PILRA: variants seen among roughly 807,000 people sequenced by gnomAD.
PILRA encodes paired immunoglobin like type 2 receptor alpha, also known as paired immunoglobulin-like type 2 receptor alpha.
Under a neutral mutation model 33.1 loss-of-function variants are expected in PILRA, and 37 were observed. The observed-to-expected ratio is 1.12, with a 90% CI of 0.86 to 1.47. PILRA has a LOEUF of 1.47. Ranked by LOEUF, PILRA falls within the 40% of genes most tolerant of loss-of-function variation. PILRA has a pLI of 0.00. For synonymous variants in PILRA, 146 were observed against 149.9 expected (o/e 0.97, Z 0.19); for missense variants, 312 against 376.2 (o/e 0.83, Z 1.41).
At chr7:100,373,320 G>A (rs1017279302), upstream of PILRA, 5 of 513,872 alleles carry the variant, frequency 9.7e-6, no homozygotes, top group Admixed American at 3.3e-5. Flanking sequence ...CAGGTGGGAG[G>A]GGCCCAGCCA....
rs1252427558 is a variant in PILRA, at chr7:100,399,791, G to A, written c.796G>A (p.Gly266Ser). Residue 266 changes from glycine (G) to serine (S), a missense_variant, in exon 7 of 7, where the codon GGC becomes AGC. By Grantham distance (56) the Gly-to-Ser change is moderately conservative. Coordinates refer to ENST00000198536, the MANE Select transcript of PILRA (RefSeq NM_013439.3). ...TDPKLNPKDD[G>S]IVYASLALSS... ...TCTCTGGGTTCTCGCCCAGGATGACGGCATCGTCTATGCTTCCCTTGCCCT... is the reference window on the plus strand; with the variant it reads ...TCTCTGGGTTCTCGCCCAGGATGACAGCATCGTCTATGCTTCCCTTGCCCT... 2.0e-5 allele frequency: 33 copies of A among 1,610,430 alleles called. No individual in the cohort carries two copies. The highest frequency in any genetic ancestry group is 1.7e-4 in the Middle Eastern group (1 of 6,040).
rs1563124406 is a variant in PILRA at position 100,399,807 on chromosome 7, C to T, written c.812C>T (p.Ser271Phe). 6.2e-7 allele frequency: 1 copy of T among 1,612,206 alleles called. No individual in the cohort carries two copies. Among genetic ancestry groups the T allele is most frequent in the South Asian group, 1.1e-5 (1 of 90,792 alleles). Residue 271 changes from serine to phenylalanine, a missense_variant, in exon 7 of 7, where the codon TCC (serine) becomes TTC (phenylalanine). Ser to Phe is a radical substitution (Grantham distance 155). Transcript: ENST00000198536. Reference sequence around the variant, plus strand: ...CAGGATGACGGCATCGTCTATGCTTCCCTTGCCCTCTCCAGCTCCACCTCA... The same window carrying T: ...CAGGATGACGGCATCGTCTATGCTTTCCTTGCCCTCTCCAGCTCCACCTCA... Reference protein sequence around the residue: ...NPKDDGIVYASLALSSSTSPR... With the variant: ...NPKDDGIVYAFLALSSSTSPR...
At chr7:100,371,576 G>A (rs1452305623), upstream of PILRA, among the ~76,000 whole-genome samples, 7 of 152,042 alleles carry the variant, frequency 4.6e-5, no homozygotes, top group South Asian at 1.4e-3. Flanking sequence ...CTCATAATGC[G>A]GTGCAGGGTA....
At chr7:100,390,138 C>T (rs753919929) in intron 3 of PILRA, 32 bp downstream of exon 3, 2 of 1,574,138 alleles carry the variant, frequency 1.3e-6, no homozygotes, top group East Asian at 2.2e-5. Flanking sequence ...TCTCCCCAAG[C>T]CTCCCATCTG....
intron 1 of PILRA, 135 bp from the exon 2 acceptor site, chr7:100,373,909 C>G (rs999269418): frequency 1.1e-4 from 137 of 1,304,592 alleles, no homozygotes; most frequent in Non-Finnish European, 1.0e-4. Context: ...AGTGGGAGAC[C>G]CAGGCCAGAG....
At position 100,393,074 on chromosome 7, in the gene PILRA, G is replaced by T. The variant is rs565967129; in HGVS notation, c.673+2968G>T. The stretch of plus-strand genomic sequence containing the variant: ...GTGGGCAAATCACTTGAGGTCAGGA[G>T]TTCAAGACCAGCCTGGTCAACATGG... On this transcript the variant is annotated intron_variant, in intron 3 of 6. Coordinates refer to ENST00000198536, the MANE Select transcript of PILRA (RefSeq NM_013439.3). Among the ~76,000 whole-genome samples the T allele has an allele frequency of 2.1e-4, 32 of 152,238 alleles. No individual in the cohort carries two copies. In the East Asian group the frequency reaches 6.0e-3, roughly 28 times the overall value.
rs1222825218 is a variant in PILRA at position 100,374,444 on chromosome 7, C to T, written c.454+11C>T. 2 of 1,613,718 alleles carry T rather than the reference C, an allele frequency of 1.2e-6. No homozygotes were observed. The highest frequency in any genetic ancestry group is 1.7e-6 in the Non-Finnish European group (2 of 1,179,956). On this transcript the variant is annotated intron_variant, in intron 2 of 6. Transcript: ENST00000198536. ...TCTCCATCACCCAGGGTGAGTCCAGCTGCCCTGGCACCCGCTTTGCCCACC... is the reference window on the plus strand; with the variant it reads ...TCTCCATCACCCAGGGTGAGTCCAGTTGCCCTGGCACCCGCTTTGCCCACC...
Position 100,374,138 on chromosome 7 carries a change from C to T in PILRA, c.159C>T (p.Phe53=). The T allele has an allele frequency of 6.2e-7, 1 of 1,614,160 alleles. No homozygotes were observed. The highest frequency in any genetic ancestry group is 1.1e-5 in the South Asian group (1 of 91,088). ...ASMGGSVEIP[F]SFYYPWELAT... is the part of the protein sequence containing the mutation. ...TGGGTGGCTCTGTGGAAATCCCCTT[C>T]TCCTTCTATTACCCCTGGGAGTTAG... The change falls in exon 2 of 7, where the codon TTC becomes TTT. Residue 53 remains phenylalanine, a synonymous_variant. Transcript: ENST00000198536.
intron 3 of PILRA, among the ~76,000 whole-genome samples, chr7:100,392,234 G>A (rs1321604429): frequency 6.6e-6 from 1 of 152,166 alleles, no homozygotes; most frequent in African/African-American, 2.4e-5. Flanking sequence ...GCTTGAGCTT[G>A]GGAGGCAGAG....
chr7:100,391,237 TACC>T (rs1791385478), intron 3 of PILRA, among the ~76,000 whole-genome samples: 6 of 147,574 alleles, frequency 4.1e-5, no homozygotes, highest in Non-Finnish European at 9.0e-5. Flanking sequence ...GTGCCTGTGG[TACC>T]AGCTACTGGG....
At chr7:100,396,773 G>A (rs1791501785) in intron 3 of PILRA, among the ~76,000 whole-genome samples, 1 of 152,060 alleles carries the variant, frequency 6.6e-6, no homozygotes, top group African/African-American at 2.4e-5. Flanking sequence ...TCCACTTTTC[G>A]GTGGTGCCTA....
intron 2 of PILRA, among the ~76,000 whole-genome samples, chr7:100,375,030 C>G (rs890530596): frequency 5.9e-5 from 9 of 152,174 alleles, no homozygotes; most frequent in Admixed American, 5.9e-4. Context: ...CAGCTCCTCC[C>G]TGACCTGTCT....
chr7:100,387,332 G>C (rs1584222227), intron 2 of PILRA, among the ~76,000 whole-genome samples: 1 of 152,172 alleles, frequency 6.6e-6, no homozygotes, highest in African/African-American at 2.4e-5. Flanking sequence ...TCCTGCCTCA[G>C]CCTCCCAAGT....
intron 2 of PILRA, among the ~76,000 whole-genome samples, chr7:100,383,910 T>C (rs943076829): frequency 4.6e-5 from 7 of 152,192 alleles, no homozygotes; most frequent in African/African-American, 1.7e-4. Flanking sequence ...GTGCTGGGAT[T>C]ACAGGCGTAA....
At chr7:100,392,467 C>T (rs1399002680) in intron 3 of PILRA, among the ~76,000 whole-genome samples, 2 of 152,146 alleles carry the variant, frequency 1.3e-5, no homozygotes, top group African/African-American at 4.8e-5. Flanking sequence ...ATAGTACCTA[C>T]GTGGGGTTGT....
chr7:100,374,703 G>A (rs772791439), intron 2 of PILRA: 108 of 533,006 alleles, frequency 2.0e-4, no homozygotes, highest in Non-Finnish European at 3.3e-4. Flanking sequence ...GCAGCTGCTG[G>A]ACCCTCTAAT....
At chr7:100,373,359 C>T, upstream of PILRA, 1 of 558,058 alleles carries the variant, frequency 1.8e-6, no homozygotes, top group South Asian at 2.2e-5. Context: ...CCCCCAAGGT[C>T]AGGCCCAGCC....
intron 2 of PILRA, among the ~76,000 whole-genome samples, chr7:100,376,801 G>A (rs1288474304): frequency 4.7e-5 from 5 of 106,422 alleles, no homozygotes; most frequent in African/African-American, 1.9e-4. Flanking sequence ...CAAGAGTCTC[G>A]CTCTGTCACC....
intron 2 of PILRA, among the ~76,000 whole-genome samples, chr7:100,388,989 T>A (rs765324776): frequency 6.6e-6 from 1 of 152,186 alleles, no homozygotes; most frequent in Non-Finnish European, 1.5e-5. Context: ...TGGTATAATT[T>A]CTTCTCCCAT....
Sources: allele counts gnomAD v4.1 joint callset (sites outside exome capture counted in the v4.1 genomes callset), GRCh38; gene constraint gnomAD v4.1.1; transcripts MANE v1.5; gene names NCBI Gene and HGNC (gene_info 2026-07-23, HGNC 2026-07-21).